CD109: variants seen among roughly 807,000 people sequenced by gnomAD.
CD109 encodes CD109 antigen.
CD109 carries 149 observed loss-of-function variants against 165.8 expected under a neutral mutation model. The ratio of observed to expected loss-of-function variants is 0.90; its 90% confidence interval spans 0.79 to 1.03. The LOEUF (loss-of-function observed/expected upper bound fraction) is 1.03. Among genes scored for constraint, CD109 ranks in the 50% least tolerant of loss-of-function variants. The pLI, the probability that CD109 is intolerant of heterozygous loss-of-function variation, is 0.00. For synonymous variants in CD109, 585 were observed against 592.1 expected, an observed-to-expected ratio of 0.99 and a Z score of 0.18; for missense variants, 1,712 against 1,677.8, an observed-to-expected ratio of 1.02 and a Z score of -0.36.
At chr6:73,684,185 C>T in the CD109 span, among the ~76,000 whole-genome samples, 1 of 150,218 alleles carries the variant, frequency 6.7e-6, no homozygotes, top group African/African-American at 2.4e-5. Context: ...TTTGAGGAGC[C>T]TCTGTATTGT....
At chr6:73,809,085 G>C (rs2150297767) in intron 26 of CD109, among the ~76,000 whole-genome samples, 1 of 152,106 alleles carries the variant, frequency 6.6e-6, no homozygotes, top group Middle Eastern at 3.4e-3. Flanking sequence ...TGTCTGCTTG[G>C]CTAAGTGGTA....
In CD109 at chr6:73,736,591, A is replaced by G. The variant is rs553175408; in HGVS notation, c.633+83A>G. ...GGGGAAAATCTCCAAAGTCATTTATACAATGAAGAGAAAAAAATTAATGTG... is the reference window on the plus strand; with the variant it reads ...GGGGAAAATCTCCAAAGTCATTTATGCAATGAAGAGAAAAAAATTAATGTG... On this transcript the variant is annotated intron_variant, in intron 5 of 32. Transcript: ENST00000287097. The G allele has an allele frequency of 3.3e-6, 4 of 1,208,772 alleles. No homozygotes were observed. In the East Asian group the frequency reaches 7.7e-5, roughly 23 times the overall value. The allele number at this position is 1,208,772 out of a possible 1,614,324, so 74.9% of individuals were successfully genotyped here.
At chr6:73,739,797 A>G (rs1442588898) in intron 5 of CD109, among the ~76,000 whole-genome samples, 1 of 152,104 alleles carries the variant, frequency 6.6e-6, no homozygotes, top group Non-Finnish European at 1.5e-5. Context: ...GCAGTGAGCC[A>G]AGATCATGCC....
chr6:73,771,878 T>C (rs907533331), intron 15 of CD109, among the ~76,000 whole-genome samples: 42 of 152,216 alleles, frequency 2.8e-4, no homozygotes, highest in African/African-American at 9.6e-4. Flanking sequence ...AATGATAATG[T>C]ACCATATACT....
intron 5 of CD109, among the ~76,000 whole-genome samples, chr6:73,745,347 C>T (rs919712540): frequency 1.1e-4 from 17 of 152,108 alleles, no homozygotes; most frequent in African/African-American, 3.6e-4. Flanking sequence ...TCAGGTGATC[C>T]GCCCGCCCTG....
At chr6:73,765,797 C>T (rs768480767) in intron 10 of CD109, 133 bp from the exon 11 acceptor site, 10 of 642,584 alleles carry the variant, frequency 1.6e-5, no homozygotes, top group Non-Finnish European at 2.7e-5. Flanking sequence ...AGAGAGAGGC[C>T]ACTGAATCTG....
the CD109 span, among the ~76,000 whole-genome samples, chr6:73,683,008 A>G: frequency 6.6e-6 from 1 of 152,146 alleles, no homozygotes; most frequent in Admixed American, 6.5e-5. Context: ...CAGGCCTGTG[A>G]TGGGAGGGGC....
intron 25 of CD109, 49 bp from the exon 26 acceptor site, chr6:73,808,034 G>C: frequency 6.5e-7 from 1 of 1,540,448 alleles, no homozygotes; most frequent in Non-Finnish European, 8.9e-7. Flanking sequence ...TTCAGTATGT[G>C]GTAATGGGTT....
chr6:73,702,185 A>AT (rs1281555695), intron 2 of CD109, among the ~76,000 whole-genome samples: 1 of 152,054 alleles, frequency 6.6e-6, no homozygotes, highest in Non-Finnish European at 1.5e-5. Flanking sequence ...TTTTTTAAAG[A>AT]TTTTTTAAAA....
At chr6:73,707,962 TTATATATATATATATATATA>T (rs200081535) in intron 2 of CD109, among the ~76,000 whole-genome samples, 3,758 of 126,782 alleles carry the variant, frequency 0.03, 139 homozygotes, top group East Asian at 0.062. Context: ...ATTGTTATCT[TTATATATATATATATATATA>T]TATATATATA....
chr6:73,789,960 C>T (rs1229979132), intron 22 of CD109, among the ~76,000 whole-genome samples: 1 of 151,980 alleles, frequency 6.6e-6, no homozygotes, highest in African/African-American at 2.4e-5. Context: ...TGGGCTTTTG[C>T]AGTGTTGGCC....
chr6:73,766,025 C>G lies in CD109; in HGVS notation c.1203C>G (p.Tyr401Ter). ...ITVTQRNYTE[Y>*]WSGSNSGNQK... is the part of the protein sequence containing the mutation. ...TGACACAGAGAAACTATACTGAGTA[C>G]TGGAGCGGATCTAACAGTGGAAATC... The change falls in exon 11 of 33, where the codon TAC becomes TAG. Residue 401 changes from tyrosine to a stop codon, truncating the protein, a stop_gained. Coordinates refer to ENST00000287097, the MANE Select transcript of CD109 (RefSeq NM_133493.5). LOFTEE classifies it high-confidence loss of function. The G allele has an allele frequency of 6.2e-7, 1 of 1,613,868 alleles. No individual in the cohort carries two copies. Among genetic ancestry groups the G allele is most frequent in the Admixed American group, 1.7e-5 (1 of 60,016 alleles).
At chr6:73,771,871 G>A (rs1214811034) in intron 15 of CD109, among the ~76,000 whole-genome samples, 1 of 152,134 alleles carries the variant, frequency 6.6e-6, no homozygotes. Context: ...TGTAGTTAAT[G>A]ATAATGTACC....
rs1338274482 is a variant in CD109 at position 73,766,092 on chromosome 6, C to T, written c.1270C>T (p.Gln424Ter). ...TCAGAAAATAAATTATACTGTCCCC[C>T]AAAGTGGAACTTTTAAGATTGAATT... ...AVQKINYTVPQSGTFKIEFPI... is the reference protein window; with the variant it reads ...AVQKINYTVP Residue 424 changes from glutamine (Q) to a stop codon, truncating the protein, a stop_gained, in exon 11 of 33, where the codon CAA becomes TAA. Coordinates refer to ENST00000287097, the MANE Select transcript of CD109 (RefSeq NM_133493.5). LOFTEE classifies it high-confidence loss of function. 1.9e-6 allele frequency: 3 copies of T among 1,613,994 alleles called. No homozygotes were observed. The highest frequency in any genetic ancestry group is 2.2e-5 in the East Asian group (1 of 44,880).
rs1192692632 is a variant in CD109, at chr6:73,766,061, A to G, written c.1239A>G (p.Glu413=). The change falls in exon 11 of 33, where the codon GAA becomes GAG. Residue 413 remains glutamate (E), a synonymous_variant. Transcript: ENST00000287097. The stretch of plus-strand genomic sequence containing the variant: ...CTAACAGTGGAAATCAGAAAATGGA[A>G]GCTGTTCAGAAAATAAATTATACTG... ...SGSNSGNQKM[E]AVQKINYTVP... is the part of the protein sequence containing the mutation. The G allele has an allele frequency of 1.2e-6, 2 of 1,614,064 alleles. No homozygotes were observed. The highest frequency in any genetic ancestry group is 1.7e-6 in the Non-Finnish European group (2 of 1,179,946).
rs34748010 is a variant in CD109 at position 73,798,747 on chromosome 6, G to T, written c.2879-4473G>T. On this transcript the variant is annotated intron_variant, in intron 23 of 32. Transcript: ENST00000287097. ...TTGATATTAATGGGGAATGTTGGAG[G>T]TCAGCCACCTGAGGGGTAATTTCCA... Among the ~76,000 whole-genome samples, 1,318 of 152,190 alleles carry T rather than the reference G, an allele frequency of 8.7e-3. 12 individuals carry two copies. Among genetic ancestry groups the T allele is most frequent in the Non-Finnish European group, 0.013 (889 of 67,998 alleles).
chr6:73,726,597 G>A (rs1772150741), intron 3 of CD109, among the ~76,000 whole-genome samples: 1 of 152,212 alleles, frequency 6.6e-6, no homozygotes, highest in South Asian at 2.1e-4. Flanking sequence ...ATCTTTCAGA[G>A]AAGGTGAAAT....
rs1162464832 is a variant in CD109, at chr6:73,826,966, C to G, written c.*3333C>G. 6.6e-6 allele frequency: 1 copy of G among 150,494 alleles called. No homozygotes were observed. The highest frequency in any genetic ancestry group is 2.4e-5 in the African/African-American group (1 of 40,832). The allele number at this position is 150,494 out of a possible 1,614,324, so 9.3% of individuals were successfully genotyped here. A position where few individuals can be genotyped will look rare whatever the true frequency, so the allele number is the denominator to read the frequency against. ...CAACTATTTTTATTTTTACATAATT[C>G]AATTATTTCATTTGACATGTCTGGC... On this transcript the variant is annotated 3_prime_UTR_variant, in exon 33 of 33. Coordinates refer to ENST00000287097, the MANE Select transcript of CD109 (RefSeq NM_133493.5).
chr6:73,752,682 A>T (rs564835870), intron 5 of CD109, among the ~76,000 whole-genome samples: 2 of 152,284 alleles, frequency 1.3e-5, no homozygotes, highest in South Asian at 2.1e-4. Flanking sequence ...AAGAGTGACC[A>T]TATTGGGGAA....
Sources: gnomAD v4.1 joint callset for allele counts (sites outside exome capture counted in the v4.1 genomes callset) on GRCh38, gnomAD v4.1.1 for gene constraint, MANE v1.5 for transcripts, NCBI Gene and HGNC (gene_info 2026-07-23, HGNC 2026-07-21) for gene names.